ANKRD12: variants seen among roughly 807,000 people sequenced by gnomAD.
ANKRD12 encodes ankyrin repeat domain 12.
A neutral mutation model predicts 183.4 loss-of-function variants in ANKRD12; 85 were observed. The observed-to-expected ratio is 0.46, with a 90% CI of 0.39 to 0.56. ANKRD12 has a LOEUF of 0.56. Ranked by LOEUF, ANKRD12 falls within the 20% of genes least tolerant of loss-of-function variation. ANKRD12 has a pLI of 0.00. For missense variants in ANKRD12, 2,405 were observed against 2,357.1 expected (o/e 1.02, Z -0.42); for synonymous variants, 914 against 800.2 (o/e 1.14, Z -2.40).
At chr18:9,265,090 C>T (rs2039206687) in intron 10 of ANKRD12, among the ~76,000 whole-genome samples, 1 of 152,252 alleles carries the variant, frequency 6.6e-6, no homozygotes, top group South Asian at 2.1e-4. Context: ...GGGCACCCGC[C>T]ATTGCCTAGG....
At chr18:9,278,363 C>A (rs2039952527) in intron 11 of ANKRD12, among the ~76,000 whole-genome samples, 1 of 151,980 alleles carries the variant, frequency 6.6e-6, no homozygotes, top group South Asian at 2.1e-4. Flanking sequence ...TCTTCCTTTT[C>A]AAAATAAACT....
chr18:9,138,117 A>C (rs928495533), intron 1 of ANKRD12, among the ~76,000 whole-genome samples: 1 of 152,250 alleles, frequency 6.6e-6, no homozygotes, highest in African/African-American at 2.4e-5. Context: ...ATGAGCCTGC[A>C]TCTGCAGTCA....
In ANKRD12 at chr18:9,256,376, A is replaced by G; in HGVS notation, c.3109A>G (p.Ile1037Val). The part of the protein sequence containing the change: ...YKERDKHKDK[I>V]QINSLLKLKS... ...AGAACGAGACAAACATAAAGATAAA[A>G]TTCAAATAAATAGCTTACTCAAACT... The change falls in exon 9 of 13, where the codon ATT (isoleucine) becomes GTT (valine). Residue 1037 changes from isoleucine to valine, a missense_variant. Around this residue, in one of 7 missense-constraint regions of ANKRD12, gnomAD observed 1,983 missense variants for 1,725.9 expected, o/e 1.15. Coordinates refer to ENST00000262126, the MANE Select transcript of ANKRD12 (RefSeq NM_015208.5). 6.2e-7 allele frequency: 1 copy of G among 1,603,512 alleles called. No homozygotes were observed. The highest frequency in any genetic ancestry group is 8.5e-7 in the Non-Finnish European group (1 of 1,176,342).
chr18:9,268,933 G>A (rs919723210), intron 10 of ANKRD12, among the ~76,000 whole-genome samples: 51 of 152,136 alleles, frequency 3.4e-4, no homozygotes, highest in African/African-American at 1.2e-3. Flanking sequence ...GTCTCAGGAT[G>A]CAAAATCAAT....
chr18:9,280,273 C>T (rs2040048431), intron 12 of ANKRD12, among the ~76,000 whole-genome samples: 1 of 152,116 alleles, frequency 6.6e-6, no homozygotes, highest in Non-Finnish European at 1.5e-5. Context: ...GTTTGAGCTG[C>T]TATGAGAATC....
Position 9,275,510 on chromosome 18 carries a change from C to A in ANKRD12, c.5764-14C>A. The stretch of plus-strand genomic sequence containing the variant: ...TTGAAGAATTTATTTTTTTTTAATT[C>A]TTTATTCAACTAGGAAAAACTCATT... On this transcript the variant is annotated splice_polypyrimidine_tract_variant and intron_variant, in intron 10 of 12. Transcript: ENST00000262126. The A allele has an allele frequency of 6.3e-7, 1 of 1,585,242 alleles. No homozygotes were observed. Among genetic ancestry groups the A allele is most frequent in the Non-Finnish European group, 8.6e-7 (1 of 1,163,698 alleles).
intron 2 of ANKRD12, among the ~76,000 whole-genome samples, chr18:9,189,527 A>G (rs2034319078): frequency 6.6e-6 from 1 of 152,238 alleles, no homozygotes. Context: ...GCTAGAGAGG[A>G]GAAGTCAATC....
At chr18:9,181,974 A>G (rs2033729445) in intron 1 of ANKRD12, among the ~76,000 whole-genome samples, 1 of 152,210 alleles carries the variant, frequency 6.6e-6, no homozygotes, top group South Asian at 2.1e-4. Flanking sequence ...GTAGGGAATT[A>G]GGTGTTGTAA....
intron 4 of ANKRD12, among the ~76,000 whole-genome samples, chr18:9,204,927 G>C (rs1191302316): frequency 6.6e-6 from 1 of 152,186 alleles, no homozygotes; most frequent in East Asian, 1.9e-4. Flanking sequence ...CAAGTGTACT[G>C]ATTTCAATAG....
rs1472659778 is a variant in ANKRD12 at position 9,157,585 on chromosome 18, G to GTGTGTGTGTATATATATA, written c.-52+20621_-52+20622insGTGTGTGTATATATATAT. On this transcript the variant is annotated intron_variant, in intron 1 of 12. Transcript: ENST00000262126. ...TGTGTGTGTGTGTGTGTGTGTGTGTGTATATATATATATATGTATTTTTTT... is the reference window on the plus strand; with the variant it reads ...TGTGTGTGTGTGTGTGTGTGTGTGTGTGTGTGTGTATATATATATATATATATATATATGTATTTTTTT... Among the ~76,000 whole-genome samples the GTGTGTGTGTATATATATA allele has an allele frequency of 6.5e-5, 6 of 92,676 alleles. 1 individual carries two copies. The highest frequency in any genetic ancestry group is 3.2e-4 in the African/African-American group (6 of 19,038). 60.8% of individuals were successfully genotyped at this position (92,676 alleles called of 152,430 possible). A position where few individuals can be genotyped will look rare whatever the true frequency, so the allele number is the denominator to read the frequency against.
In ANKRD12 at chr18:9,257,310, C is replaced by G; in HGVS notation, c.4043C>G (p.Pro1348Arg). 8 of 1,614,124 alleles carry G rather than the reference C, an allele frequency of 5.0e-6. No homozygotes were observed. Among genetic ancestry groups the G allele is most frequent in the Non-Finnish European group, 6.8e-6 (8 of 1,179,992 alleles). Residue 1348 changes from proline (P) to arginine (R), a missense_variant, in exon 9 of 13, where the codon CCT (proline) becomes CGT (arginine). This residue lies in a region of ANKRD12 where 1,983 missense variants were observed against 1,725.9 expected (regional missense o/e 1.15). Coordinates refer to ENST00000262126, the MANE Select transcript of ANKRD12 (RefSeq NM_015208.5). ...VPGDTSPSPK[P>R]EVFSNVPERD... is the part of the protein sequence containing the mutation. ...GGAGATACTAGTCCTTCTCCCAAAC[C>G]TGAGGTATTCTCAAATGTGCCTGAA...
rs1244780534 is a variant in ANKRD12, at chr18:9,208,654, C to T, written c.305-3C>T. The T allele has an allele frequency of 2.5e-6, 4 of 1,590,040 alleles. No individual in the cohort carries two copies. Among genetic ancestry groups the T allele is most frequent in the Admixed American group, 3.7e-5 (2 of 54,774 alleles). ...ATTCTTACATATTTGTTAATAATTC[C>T]AGAGAAAGAAGGTCCAGAAAAGAAG... On this transcript the variant is annotated splice_polypyrimidine_tract_variant and splice_region_variant and intron_variant, in intron 4 of 12. Transcript: ENST00000262126.
intron 1 of ANKRD12, among the ~76,000 whole-genome samples, chr18:9,164,085 T>TCAA (rs2143829855): frequency 6.6e-6 from 1 of 152,276 alleles, no homozygotes; most frequent in African/African-American, 2.4e-5. Context: ...AGACAGTGCA[T>TCAA]CTTTGTCTTG....
At chr18:9,199,563 C>T in intron 3 of ANKRD12, among the ~76,000 whole-genome samples, 1 of 152,070 alleles carries the variant, frequency 6.6e-6, no homozygotes, top group East Asian at 1.9e-4. Flanking sequence ...GAAAGCATAT[C>T]ATCTTATCTC....
rs980367740 is a variant in ANKRD12 at position 9,284,121 on chromosome 18, TAAC to T, written c.*2998_*3000del. 5.9e-5 allele frequency: 9 copies of T among 152,200 alleles called. No homozygotes were observed. The highest frequency in any genetic ancestry group is 2.0e-4 in the Admixed American group (3 of 15,278). The allele number at this position is 152,200 out of a possible 1,614,324, so 9.4% of individuals were successfully genotyped here. ...AAAAATATTTTATTGCTAAAAATGG[TAAC>T]AAAGTGAGCACATGCTGTTGGAAAA... On this transcript the variant is annotated 3_prime_UTR_variant, in exon 13 of 13. Coordinates refer to ENST00000262126, the MANE Select transcript of ANKRD12 (RefSeq NM_015208.5).
intron 10 of ANKRD12, among the ~76,000 whole-genome samples, chr18:9,265,394 A>G (rs2039229097): frequency 6.6e-6 from 1 of 152,120 alleles, no homozygotes. Flanking sequence ...GCAGACTGAC[A>G]CCTCACACGG....
chr18:9,151,289 G>T (rs1353522386), intron 1 of ANKRD12, among the ~76,000 whole-genome samples: 2 of 152,134 alleles, frequency 1.3e-5, no homozygotes, highest in Non-Finnish European at 2.9e-5. Flanking sequence ...ATTACTTAGT[G>T]TTTATGTCTA....
chr18:9,199,980 C>T (rs1400904390), intron 3 of ANKRD12, among the ~76,000 whole-genome samples: 15 of 152,086 alleles, frequency 9.9e-5, no homozygotes, highest in Non-Finnish European at 1.5e-5. Context: ...TCATATGTTA[C>T]TTTTATAAAG....
chr18:9,137,336 G>C (rs950666079), intron 1 of ANKRD12, among the ~76,000 whole-genome samples: 2 of 146,558 alleles, frequency 1.4e-5, no homozygotes, highest in South Asian at 4.1e-4. Flanking sequence ...GCCGCGAGCT[G>C]GCCTCGTCGC....
Sources: allele counts gnomAD v4.1 joint callset (sites outside exome capture counted in the v4.1 genomes callset), GRCh38; gene constraint gnomAD v4.1.1; regional missense constraint gnomAD v4.1.1; transcripts MANE v1.5; gene names NCBI Gene and HGNC (gene_info 2026-07-23, HGNC 2026-07-21).